RAB11FIP3: variants seen among roughly 807,000 people sequenced by gnomAD.
RAB11FIP3 encodes rab11 family-interacting protein 3.
RAB11FIP3 carries 17 observed loss-of-function variants against 77.8 expected under a neutral mutation model. The observed-to-expected ratio is 0.22, with a 90% CI of 0.15 to 0.33. RAB11FIP3 has a LOEUF of 0.33. Among genes scored for constraint, RAB11FIP3 ranks in the 10% least tolerant of loss-of-function variants. The pLI is 1.00. For missense variants in RAB11FIP3, 1,005 were observed against 1,011.2 expected (o/e 0.99, Z 0.08); for synonymous variants, 437 against 448.2 (o/e 0.98, Z 0.31).
At chr16:496,248 T>G (rs1353296678) in intron 5 of RAB11FIP3, among the ~76,000 whole-genome samples, 1 of 152,138 alleles carries the variant, frequency 6.6e-6, no homozygotes, top group Middle Eastern at 3.2e-3. Flanking sequence ...ACCTCAGAAA[T>G]GAGGGAGAAG....
chr16:472,987 G>C lies in RAB11FIP3; in HGVS notation c.903+1598G>C, dbSNP rs1373804112. 2.0e-5 allele frequency among the ~76,000 whole-genome samples: 3 copies of C among 152,216 alleles called. No homozygotes were observed. The highest frequency in any genetic ancestry group is 7.2e-5 in the African/African-American group (3 of 41,462). Reference sequence around the variant, plus strand: ...CTCCTGGGGCTCCCAGAAGCCAGCAGAGGCAAAGATGCATCCTCTCCGAGA... The same window carrying C: ...CTCCTGGGGCTCCCAGAAGCCAGCACAGGCAAAGATGCATCCTCTCCGAGA... On this transcript the variant is annotated intron_variant, in intron 3 of 13. Coordinates refer to ENST00000262305, the MANE Select transcript of RAB11FIP3 (RefSeq NM_014700.4). This position sits in a 1 kb window ranked among gnomAD's most constrained non-coding sequence, Gnocchi z 4.1.
At chr16:497,846 C>T (rs957382981) in intron 6 of RAB11FIP3, among the ~76,000 whole-genome samples, 1 of 149,970 alleles carries the variant, frequency 6.7e-6, no homozygotes, top group Middle Eastern at 3.4e-3. Context: ...CATTGCTTAT[C>T]TTCTAGAGCT....
chr16:429,164 T>A (rs908849440), intron 1 of RAB11FIP3, among the ~76,000 whole-genome samples: 15 of 152,284 alleles, frequency 9.9e-5, no homozygotes, highest in Non-Finnish European at 1.6e-4. Flanking sequence ...TTTCATGTTA[T>A]GTAACCCTGT....
rs1229398605 is a variant in RAB11FIP3, at chr16:505,513, T to C, written c.1396-11T>C. Reference sequence around the variant, plus strand: ...GGCTGCCTGACCCTGAAGCCTGGTCTCATTGCCAAGGTTGTCTTCCTGGAA... The same window carrying C: ...GGCTGCCTGACCCTGAAGCCTGGTCCCATTGCCAAGGTTGTCTTCCTGGAA... On this transcript the variant is annotated splice_polypyrimidine_tract_variant and intron_variant, in intron 7 of 13. Transcript: ENST00000262305. The surrounding 1 kb of genome is among the most constrained non-coding windows in gnomAD (Gnocchi z 4.0). 11 of 1,604,216 alleles carry C rather than the reference T, an allele frequency of 6.9e-6. No individual in the cohort carries two copies. Among genetic ancestry groups the C allele is most frequent in the Non-Finnish European group, 9.3e-6 (11 of 1,177,170 alleles).
Position 465,059 on chromosome 16 carries a change from C to T in RAB11FIP3, c.808+3562C>T, listed in dbSNP as rs529733342. ...GATGCTTCTTTTCTAATCATTGGTC[C>T]CCTGAGTTCATGGAGGTGCGAGCTG... is the stretch of plus-strand genomic sequence containing the variant. On this transcript the variant is annotated intron_variant, in intron 2 of 13. Transcript: ENST00000262305. Among the ~76,000 whole-genome samples the T allele has an allele frequency of 3.3e-5, 5 of 152,154 alleles. No individual in the cohort carries two copies. In the East Asian group the frequency reaches 5.8e-4, roughly 18 times the overall value.
intron 2 of RAB11FIP3, among the ~76,000 whole-genome samples, chr16:466,920 A>T (rs983590769): frequency 2.0e-5 from 3 of 152,098 alleles, no homozygotes; most frequent in African/African-American, 7.2e-5. Flanking sequence ...ATCTCACTGC[A>T]TTAGAGCTTG....
intron 1 of RAB11FIP3, among the ~76,000 whole-genome samples, chr16:427,288 C>A (rs1305443318): frequency 6.6e-6 from 1 of 152,162 alleles, no homozygotes; most frequent in African/African-American, 2.4e-5. Flanking sequence ...TGTAGAGAGT[C>A]CTGGAATTAA....
intron 3 of RAB11FIP3, among the ~76,000 whole-genome samples, chr16:473,719 C>T (rs1001486731): frequency 2.0e-5 from 3 of 152,086 alleles, no homozygotes; most frequent in Non-Finnish European, 2.9e-5. Flanking sequence ...GTATTACAGG[C>T]GTGAGCCACC....
chr16:492,456 T>TC (rs2030557082), intron 5 of RAB11FIP3, among the ~76,000 whole-genome samples: 7 of 18,062 alleles, frequency 3.9e-4, no homozygotes, highest in East Asian at 1.8e-3. Context: ...CCAGGGCCCT[T>TC]CCCGGGGAGA....
intron 1 of RAB11FIP3, among the ~76,000 whole-genome samples, chr16:449,019 T>C (rs1054267439): frequency 2.0e-5 from 3 of 152,094 alleles, no homozygotes; most frequent in Non-Finnish European, 4.4e-5. Context: ...GTAGGCCAAA[T>C]AATGGCTCCC....
At position 519,792 on chromosome 16, in the gene RAB11FIP3, G is replaced by T; in HGVS notation, c.1761G>T (p.Thr587=). The change falls in exon 11 of 14, where the codon ACG becomes ACT. Residue 587 remains threonine (T), a synonymous_variant. Coordinates refer to ENST00000262305, the MANE Select transcript of RAB11FIP3 (RefSeq NM_014700.4). ...TGTTGGATGAGATAGAGTCGCTGAC[G>T]CTGCGGCTCAGTGAAGAGCAGGAGA... The part of the protein sequence containing the change: ...QKLLDEIESL[T]LRLSEEQENK... 6.2e-7 allele frequency: 1 copy of T among 1,611,352 alleles called. No individual in the cohort carries two copies. The highest frequency in any genetic ancestry group is 8.5e-7 in the Non-Finnish European group (1 of 1,179,054).
intron 4 of RAB11FIP3, among the ~76,000 whole-genome samples, chr16:486,259 C>A (rs12719808): frequency 0.41 from 61,780 of 151,942 alleles, 14,036 homozygotes; most frequent in Middle Eastern, 0.54. Context: ...TTTGGGGGGC[C>A]GAGGCAGGTG....
Position 426,112 on chromosome 16 carries a change from C to A in RAB11FIP3, c.106C>A (p.Pro36Thr), listed in dbSNP as rs1336048253. The change falls in exon 1 of 14, where the codon CCT (proline) becomes ACT (threonine). Residue 36 changes from proline to threonine, a missense_variant. Pro to Thr is a conservative substitution (Grantham distance 38, BLOSUM62 -1). Transcript: ENST00000262305. This position sits in a 1 kb window ranked among gnomAD's most constrained non-coding sequence, Gnocchi z 5.0. ...GPGAAQLAPG[P>T]AELRLGAPVG... ...GGGGGCGGCACAACTGGCTCCGGGC[C>A]CTGCGGAGCTACGCCTCGGAGCGCC... The A allele has an allele frequency of 4.0e-6, 4 of 1,007,562 alleles. No homozygotes were observed. In the African/African-American group the frequency reaches 5.2e-5, roughly 13 times the overall value. 62.4% of individuals were successfully genotyped at this position (1,007,562 alleles called of 1,614,324 possible).
chr16:511,961 A>C (rs1198319545), intron 9 of RAB11FIP3, among the ~76,000 whole-genome samples: 2 of 126,282 alleles, frequency 1.6e-5, no homozygotes, highest in African/African-American at 6.0e-5. Context: ...CCTGCAGGCC[A>C]GGTAGGAGAG....
At chr16:428,600 G>A (rs1464439143) in intron 1 of RAB11FIP3, among the ~76,000 whole-genome samples, 2 of 152,060 alleles carry the variant, frequency 1.3e-5, no homozygotes, top group Admixed American at 1.3e-4. Flanking sequence ...CCACTTTACA[G>A]GTAAGAAACT....
Position 461,550 on chromosome 16 carries a change from C to A in RAB11FIP3, c.808+53C>A. ...CCTCCTCTCCCGTTCCTCAGCCACC[C>A]TCTCAGCCACCTGCACATCACCAGG... On this transcript the variant is annotated intron_variant, in intron 2 of 13. Transcript: ENST00000262305. This position sits in a 1 kb window ranked among gnomAD's most constrained non-coding sequence, Gnocchi z 4.5. The A allele has an allele frequency of 6.9e-7, 1 of 1,455,114 alleles. No homozygotes were observed. The highest frequency in any genetic ancestry group is 9.6e-7 in the Non-Finnish European group (1 of 1,038,344). 90.1% of individuals were successfully genotyped at this position (1,455,114 alleles called of 1,614,324 possible).
At chr16:468,418 C>T (rs897345066) in intron 2 of RAB11FIP3, among the ~76,000 whole-genome samples, 11 of 151,724 alleles carry the variant, frequency 7.3e-5, no homozygotes, top group Admixed American at 3.3e-4. Flanking sequence ...ATGTTTCGTT[C>T]GGAAGGAGAG....
chr16:510,032 G>T (rs574966610), intron 8 of RAB11FIP3, among the ~76,000 whole-genome samples: 112 of 151,840 alleles, frequency 7.4e-4, no homozygotes, highest in African/African-American at 2.5e-3. Context: ...GCCCCGTCCC[G>T]AGGCCCCGTG....
Position 506,031 on chromosome 16 carries a change from A to G in RAB11FIP3, c.1499+404A>G, listed in dbSNP as rs2031854739. Among the ~76,000 whole-genome samples the G allele has an allele frequency of 6.6e-6, 1 of 152,240 alleles. No homozygotes were observed. The highest frequency in any genetic ancestry group is 2.4e-5 in the African/African-American group (1 of 41,464). On this transcript the variant is annotated intron_variant, in intron 8 of 13. Transcript: ENST00000262305. The surrounding 1 kb of genome is among the most constrained non-coding windows in gnomAD (Gnocchi z 4.5). ...TGCCCGTCCTGGAAGAATGCAGGTT[A>G]GAGAAGTCGCTCAGCAGCAGAAAGC...
Sources: gnomAD v4.1 joint callset for allele counts (sites outside exome capture counted in the v4.1 genomes callset) on GRCh38, gnomAD v4.1.1 for gene constraint, Gnocchi (gnomAD v3.1) non-coding constraint, MANE v1.5 for transcripts, NCBI Gene and HGNC (gene_info 2026-07-23, HGNC 2026-07-21) for gene names.